Variants in PTCH2 observed in about 807,000 individuals in gnomAD.
PTCH2 encodes the protein protein patched homolog 2.
In PTCH2, 96 loss-of-function variants were observed where a neutral mutation model predicts 117.9. The ratio of observed to expected loss-of-function variants is 0.81; its 90% CI spans 0.69 to 0.96. The LOEUF (loss-of-function observed/expected upper bound fraction) is 0.96. Ranked by LOEUF, PTCH2 falls within the 50% of genes least tolerant of loss-of-function variation. The probability of loss-of-function intolerance (pLI) is 0.00; values close to 1 mark genes in which losing one functional copy is unlikely to be tolerated. For synonymous variants in PTCH2, 615 were observed against 660.9 expected, an observed-to-expected ratio of 0.93 and a Z score of 1.06; for missense variants, 1,379 against 1,562.5, an observed-to-expected ratio of 0.88 and a Z score of 1.98.
Position 44,843,126 on chromosome 1 carries a change from C to A in PTCH2, c.-194G>T. On this transcript the variant is annotated 5_prime_UTR_variant, in exon 1 of 22. Coordinates refer to ENST00000372192, the MANE Select transcript of PTCH2 (RefSeq NM_003738.5). ...GGAGGAGTGCAGGGAGCTGCGGGTCCGGGGCGCGGCGCCGGGATTCACCCG... is the reference window on the plus strand; with the variant it reads ...GGAGGAGTGCAGGGAGCTGCGGGTCAGGGGCGCGGCGCCGGGATTCACCCG... 1 of 1,305,624 alleles carries A rather than the reference C, an allele frequency of 7.7e-7. No homozygotes were observed. The highest frequency in any genetic ancestry group is 9.7e-7 in the Non-Finnish European group (1 of 1,028,788). 80.9% of individuals were successfully genotyped at this position (1,305,624 alleles called of 1,614,324 possible).
chr1:44,822,698 C>T, intron 21 of PTCH2, 29 bp from the exon 22 acceptor site: 1 of 1,611,224 alleles, frequency 6.2e-7, no homozygotes, highest in Non-Finnish European at 8.5e-7. Flanking sequence ...CCCAGTAAGC[C>T]CACGGGCCCC....
In PTCH2 at chr1:44,822,617, T is replaced by C. The variant is rs1652957871; in HGVS notation, c.3410A>G (p.Gln1137Arg). 6.2e-7 allele frequency: 1 copy of C among 1,614,048 alleles called. No individual in the cohort carries two copies. Among genetic ancestry groups the C allele is most frequent in the East Asian group, 2.2e-5 (1 of 44,876 alleles). The part of the protein sequence containing the change: ...SPEILSPPAP[Q>R]GGGLRWGASS... ...TGCCCCCCACCTAAGCCCGCCTCCC[T>C]GTGGAGCTGGTGGACTCAGGATCTC... Residue 1137 changes from glutamine to arginine, a missense_variant, in exon 22 of 22, where the codon CAG (glutamine) becomes CGG (arginine). Gln to Arg is a conservative substitution (Grantham distance 43). Transcript: ENST00000372192.
chr1:44,834,574 A>T (rs550191043), intron 2 of PTCH2, among the ~76,000 whole-genome samples: 1 of 152,350 alleles, frequency 6.6e-6, no homozygotes, highest in South Asian at 2.1e-4. Flanking sequence ...GCTGAGAGGA[A>T]GGAGGCATGG....
At chr1:44,840,060 A>T (rs1437541386) in intron 2 of PTCH2, among the ~76,000 whole-genome samples, 1 of 151,664 alleles carries the variant, frequency 6.6e-6, no homozygotes, top group Non-Finnish European at 1.5e-5. Flanking sequence ...AAGGGCTGCC[A>T]TATGAAACCA....
rs1272781913 is a variant in PTCH2, at chr1:44,831,522, C to T, written c.617+184G>A. Among the ~76,000 whole-genome samples, 1 of 152,186 alleles carries T rather than the reference C, an allele frequency of 6.6e-6. No homozygotes were observed. Among genetic ancestry groups the T allele is most frequent in the Non-Finnish European group, 1.5e-5 (1 of 68,036 alleles). The stretch of plus-strand genomic sequence containing the variant: ...GTGTAAATAAGTCAGGTCTTCCTTC[C>T]TTGAGAGGGAAAGAGAAGGAGGATG... On this transcript the variant is annotated intron_variant, in intron 5 of 21. Coordinates refer to ENST00000372192, the MANE Select transcript of PTCH2 (RefSeq NM_003738.5). The surrounding 1 kb of genome is among the most constrained non-coding windows in gnomAD (Gnocchi z 4.3).
chr1:44,828,636 CA>C lies in PTCH2; in HGVS notation c.1465-6del, dbSNP rs1433946052. 4.3e-6 allele frequency: 7 copies of C among 1,611,272 alleles called. No individual in the cohort carries two copies. The highest frequency in any genetic ancestry group is 5.9e-6 in the Non-Finnish European group (7 of 1,179,074). ...CAGACACTCGCCCATGCGCTCCTGC[CA>C]GGACAGAGTGGGGACCTGCCCTCAG... is the stretch of plus-strand genomic sequence containing the variant. On this transcript the variant is annotated splice_polypyrimidine_tract_variant and splice_region_variant and intron_variant, in intron 11 of 21. Transcript: ENST00000372192.
In PTCH2 at chr1:44,828,293, T is replaced by A; in HGVS notation, c.1709+3A>T. 1 of 1,613,760 alleles carries A rather than the reference T, an allele frequency of 6.2e-7. No homozygotes were observed. The highest frequency in any genetic ancestry group is 2.2e-5 in the East Asian group (1 of 44,888). ...GAGGAAGGGGCTGGGGCGCAGGCAG[T>A]ACCTGGAGAAGCAGCAGAGCACATC... On this transcript the variant is annotated splice_donor_region_variant and intron_variant, in intron 13 of 21. Transcript: ENST00000372192.
chr1:44,828,348 C>A lies in PTCH2; in HGVS notation c.1657G>T (p.Asp553Tyr). ...MLVFPAILSLDLRRRHCQRLD... is the reference protein window; with the variant it reads ...MLVFPAILSLYLRRRHCQRLD... Reference sequence around the variant, plus strand: ...CGCTGGCAGTGGCGCCGCCGTAGGTCCAGGCTGAGGATGGCTGGGAAGACA... The same window carrying A: ...CGCTGGCAGTGGCGCCGCCGTAGGTACAGGCTGAGGATGGCTGGGAAGACA... Residue 553 changes from aspartate (D) to tyrosine (Y), a missense_variant, in exon 13 of 22, where the codon GAC becomes TAC. Transcript: ENST00000372192. 6.2e-7 allele frequency: 1 copy of A among 1,614,110 alleles called. No individual in the cohort carries two copies.
chr1:44,826,821 G>A lies in PTCH2; in HGVS notation c.2696-53C>T, dbSNP rs924763905. 28 of 1,608,954 alleles carry A rather than the reference G, an allele frequency of 1.7e-5. No homozygotes were observed. The highest frequency in any genetic ancestry group is 1.3e-4 in the African/African-American group (10 of 74,900). Reference sequence around the variant, plus strand: ...GGGAGAGGGACAGGGCGGTGAGCACGGGGCAGAGTGGGCAGGGCCTCAGGC... The same window carrying A: ...GGGAGAGGGACAGGGCGGTGAGCACAGGGCAGAGTGGGCAGGGCCTCAGGC... On this transcript the variant is annotated intron_variant, in intron 17 of 21. Coordinates refer to ENST00000372192, the MANE Select transcript of PTCH2 (RefSeq NM_003738.5). This position sits in a 1 kb window ranked among gnomAD's most constrained non-coding sequence, Gnocchi z 5.1.
chr1:44,826,196 T>C lies in PTCH2; in HGVS notation c.3114+54A>G. On this transcript the variant is annotated intron_variant, in intron 19 of 21. Coordinates refer to ENST00000372192, the MANE Select transcript of PTCH2 (RefSeq NM_003738.5). This position sits in a 1 kb window ranked among gnomAD's most constrained non-coding sequence, Gnocchi z 5.1. ...GCACATAGTAGGGGCTTGAACAATA[T>C]GTGTTGAATACTGAATCAGCTGATT... 3.8e-6 allele frequency: 6 copies of C among 1,592,984 alleles called. No individual in the cohort carries two copies. The South Asian group carries it at 5.6e-5, about 15-fold the overall frequency.
At chr1:44,821,782 G>A, downstream of PTCH2, 2 of 1,327,506 alleles carry the variant, frequency 1.5e-6, no homozygotes, top group South Asian at 2.4e-5. Flanking sequence ...ATGTTACCAA[G>A]TATATGACAA....
chr1:44,839,008 C>T (rs951730360), intron 2 of PTCH2, among the ~76,000 whole-genome samples: 3 of 152,090 alleles, frequency 2.0e-5, no homozygotes, highest in African/African-American at 7.2e-5. Flanking sequence ...GGATTACAGG[C>T]GTGAGCCACT....
chr1:44,830,912 C>A lies in PTCH2; in HGVS notation c.749G>T (p.Arg250Leu). 6.3e-7 allele frequency: 1 copy of A among 1,585,982 alleles called. No individual in the cohort carries two copies. Among genetic ancestry groups the A allele is most frequent in the Admixed American group, 1.7e-5 (1 of 58,916 alleles). Residue 250 changes from arginine to leucine, a missense_variant, in exon 6 of 22, where the codon CGG becomes CTG. Arg to Leu is a moderately radical substitution (Grantham distance 102, BLOSUM62 -2). Coordinates refer to ENST00000372192, the MANE Select transcript of PTCH2 (RefSeq NM_003738.5). ...KAQVGQAYVG[R>L]PCLHPDDLHC... is the part of the protein sequence containing the mutation. Reference sequence around the variant, plus strand: ...GAGGTCATCAGGGTGCAGACAGGGCCGCCCCACGTAGGCCTGGCCCACCTG... The same window carrying A: ...GAGGTCATCAGGGTGCAGACAGGGCAGCCCCACGTAGGCCTGGCCCACCTG...
At position 44,826,617 on chromosome 1, in the gene PTCH2, G is replaced by T; in HGVS notation, c.2847C>A (p.Ser949=). 1 of 1,613,304 alleles carries T rather than the reference G, an allele frequency of 6.2e-7. No homozygotes were observed. Among genetic ancestry groups the T allele is most frequent in the Non-Finnish European group, 8.5e-7 (1 of 1,180,004 alleles). The change falls in exon 18 of 22, where the codon TCC becomes TCA. Residue 949 remains serine (S), a synonymous_variant. Transcript: ENST00000372192. The surrounding 1 kb of genome is among the most constrained non-coding windows in gnomAD (Gnocchi z 5.1). ...QAGVHAYPSG[S]PFLFWEQYLG... ...GATACTGTTCCCAGAAGAGGAAGGGGGAGCCGCTGGGGTAGGCGTGCACCC... is the reference window on the plus strand; with the variant it reads ...GATACTGTTCCCAGAAGAGGAAGGGTGAGCCGCTGGGGTAGGCGTGCACCC...
Position 44,831,580 on chromosome 1 carries a change from G to A in PTCH2, c.617+126C>T. ...AGCCTTGGGGAAGCCCATGCTCTCT[G>A]TTCCTGGCCTGGGAGGTAATTAGGA... is the stretch of plus-strand genomic sequence containing the variant. On this transcript the variant is annotated intron_variant, in intron 5 of 21. Transcript: ENST00000372192. The surrounding 1 kb of genome is among the most constrained non-coding windows in gnomAD (Gnocchi z 4.3). The A allele has an allele frequency of 1.0e-6, 1 of 955,546 alleles. No individual in the cohort carries two copies. Among genetic ancestry groups the A allele is most frequent in the Non-Finnish European group, 1.6e-6 (1 of 614,518 alleles). 59.2% of individuals were successfully genotyped at this position (955,546 alleles called of 1,614,324 possible).
In PTCH2 at chr1:44,829,308, GC is replaced by G; in HGVS notation, c.1219del (p.Ala407ProfsTer5). The stretch of plus-strand genomic sequence containing the variant: ...CCGCAGCATGGTCACACAGGCATAG[GC>G]CAGCTGTGGGGGGAAAGGGCAGTCT... Reference protein sequence around the residue: ...RVVGGYLLMLAYACVTMLRWD... With the variant: ...RVVGGYLLMLXYACVTMLRWD... On this transcript the variant is annotated frameshift_variant, in exon 10 of 22. Coordinates refer to ENST00000372192, the MANE Select transcript of PTCH2 (RefSeq NM_003738.5). LOFTEE classifies it high-confidence loss of function. The G allele has an allele frequency of 6.2e-7, 1 of 1,613,752 alleles. No individual in the cohort carries two copies. The highest frequency in any genetic ancestry group is 8.5e-7 in the Non-Finnish European group (1 of 1,180,022).
At chr1:44,839,391 A>G (rs1336447738) in intron 2 of PTCH2, among the ~76,000 whole-genome samples, 1 of 150,036 alleles carries the variant, frequency 6.7e-6, no homozygotes, top group Non-Finnish European at 1.5e-5. Context: ...AAACAGAAAG[A>G]AAAAAAAAGA....
Position 44,832,201 on chromosome 1 carries a change from G to A in PTCH2, c.406C>T (p.Leu136Phe), listed in dbSNP as rs199870694. Residue 136 changes from leucine to phenylalanine, a missense_variant, in exon 3 of 22, where the codon CTC becomes TTC. Coordinates refer to ENST00000372192, the MANE Select transcript of PTCH2 (RefSeq NM_003738.5). The part of the protein sequence containing the change: ...ILTPEALGLH[L>F]QAALTASKVQ... ...TTACTGGCAGTGAGGGCTGCCTGGA[G>A]GTGGAGGCCAAGTGCTTCGGGTGTG... 3.8e-5 allele frequency: 62 copies of A among 1,614,070 alleles called. No individual in the cohort carries two copies. The highest frequency in any genetic ancestry group is 4.0e-5 in the Non-Finnish European group (47 of 1,180,032).
intron 2 of PTCH2, among the ~76,000 whole-genome samples, chr1:44,840,304 T>C (rs976113583): frequency 6.6e-6 from 1 of 151,178 alleles, no homozygotes; most frequent in Non-Finnish European, 1.5e-5. Flanking sequence ...GGTTTTATTA[T>C]GTTGGCCAGG....
Sources: gnomAD v4.1 joint callset for allele counts (sites outside exome capture counted in the v4.1 genomes callset) on GRCh38, gnomAD v4.1.1 for gene constraint, Gnocchi (gnomAD v3.1) non-coding constraint, MANE v1.5 for transcripts, NCBI Gene and HGNC (gene_info 2026-07-23, HGNC 2026-07-21) for gene names.